GLDN: variants seen among roughly 807,000 people sequenced by gnomAD.
GLDN encodes gliomedin, also known as collomin.
In GLDN, 47 loss-of-function variants were observed where a neutral mutation model predicts 56.5. The ratio of observed to expected loss-of-function variants is 0.83; its 90% CI spans 0.66 to 1.06. The LOEUF (loss-of-function observed/expected upper bound fraction) is 1.06, where lower values mean the gene tolerates loss of function less well. Ranked by LOEUF, GLDN falls within the 50% of genes least tolerant of loss-of-function variation. The pLI is 0.00. For synonymous variants in GLDN, 332 were observed against 278.8 expected (o/e 1.19, Z -1.90); for missense variants, 782 against 714.3 (o/e 1.09, Z -1.08).
Position 51,404,278 on chromosome 15 carries a change from T to C in GLDN, c.1180T>C (p.Phe394Leu). The C allele has an allele frequency of 1.3e-6, 2 of 1,577,816 alleles. No homozygotes were observed. Among genetic ancestry groups the C allele is most frequent in the Non-Finnish European group, 1.7e-6 (2 of 1,165,266 alleles). ...HKGGSNTLVR[F>L]EFGQETSQTL... ...CTTTTCTTTGTTTGCATATTTCAGA[T>C]TTGAATTTGGCCAGGAAACATCCCA... Residue 394 changes from phenylalanine to leucine, a missense_variant and splice_region_variant, in exon 10 of 10, where the codon TTT (phenylalanine) becomes CTT (leucine). Physicochemically the swap from Phe to Leu is conservative, Grantham distance 22. Coordinates refer to ENST00000335449, the MANE Select transcript of GLDN (RefSeq NM_181789.4).
chr15:51,357,354 C>A (rs1268514687), intron 1 of GLDN, among the ~76,000 whole-genome samples: 1 of 152,214 alleles, frequency 6.6e-6, no homozygotes, highest in African/African-American at 2.4e-5. Flanking sequence ...CGGGAGAAGA[C>A]TTCTCGTCTC....
intron 4 of GLDN, among the ~76,000 whole-genome samples, chr15:51,392,424 A>G (rs960801733): frequency 6.6e-6 from 1 of 151,954 alleles, no homozygotes; most frequent in Non-Finnish European, 1.5e-5. Context: ...GTCTCCCATC[A>G]CCCCCAGATG....
At position 51,406,053 on chromosome 15, in the gene GLDN, T is replaced by C. The variant is rs888002306; in HGVS notation, c.*1299T>C. ...CAGAACCAGAGCCTGTTTTGTTTTGTTCTAAACTAAGAAGCCGCATAGGAT... is the reference window on the plus strand; with the variant it reads ...CAGAACCAGAGCCTGTTTTGTTTTGCTCTAAACTAAGAAGCCGCATAGGAT... On this transcript the variant is annotated 3_prime_UTR_variant, in exon 10 of 10. Coordinates refer to ENST00000335449, the MANE Select transcript of GLDN (RefSeq NM_181789.4). The C allele has an allele frequency of 6.6e-6, 1 of 152,220 alleles. No individual in the cohort carries two copies. The highest frequency in any genetic ancestry group is 2.4e-5 in the African/African-American group (1 of 41,444). The allele number at this position is 152,220 out of a possible 1,614,324, so 9.4% of individuals were successfully genotyped here.
At chr15:51,384,038 G>A (rs1170424792) in intron 4 of GLDN, 146 bp downstream of exon 4, 9 of 716,634 alleles carry the variant, frequency 1.3e-5, no homozygotes, top group Admixed American at 2.2e-5. Flanking sequence ...AGAAGCCATT[G>A]CGTTCCGGGA....
intron 6 of GLDN, among the ~76,000 whole-genome samples, chr15:51,399,074 C>G (rs2038194859): frequency 6.6e-6 from 1 of 152,198 alleles, no homozygotes; most frequent in South Asian, 2.1e-4. Context: ...GCCCTCTCTC[C>G]TGCTCCAACT....
At chr15:51,402,828 A>G (rs570575341) in intron 9 of GLDN, among the ~76,000 whole-genome samples, 3 of 151,962 alleles carry the variant, frequency 2.0e-5, no homozygotes, top group African/African-American at 7.2e-5. Flanking sequence ...TTTGCCTCTC[A>G]CTCCCATCTA....
intron 1 of GLDN, among the ~76,000 whole-genome samples, chr15:51,344,446 C>T (rs1162156676): frequency 6.6e-6 from 1 of 152,180 alleles, no homozygotes; most frequent in Non-Finnish European, 1.5e-5. Context: ...TCTTTACTCT[C>T]TGCTTTTCTC....
intron 6 of GLDN, among the ~76,000 whole-genome samples, chr15:51,399,442 T>G (rs1391888534): frequency 6.6e-6 from 1 of 152,190 alleles, no homozygotes; most frequent in Non-Finnish European, 1.5e-5. Flanking sequence ...TCAGGTTTGC[T>G]TCTGCTGCCC....
chr15:51,364,307 C>T (rs1310934634), intron 1 of GLDN, among the ~76,000 whole-genome samples: 1 of 152,182 alleles, frequency 6.6e-6, no homozygotes, highest in Non-Finnish European at 1.5e-5. Flanking sequence ...GTTTCTACTG[C>T]TATATCTTCA....
chr15:51,345,865 A>AT (rs1306951732), intron 1 of GLDN, among the ~76,000 whole-genome samples: 1 of 152,244 alleles, frequency 6.6e-6, no homozygotes, highest in Non-Finnish European at 1.5e-5. Context: ...ACTACTAAAA[A>AT]TAACAGAATT....
Position 51,341,721 on chromosome 15 carries a change from G to A in GLDN, c.37G>A (p.Gly13Ser). 6.9e-7 allele frequency: 1 copy of A among 1,446,782 alleles called. No individual in the cohort carries two copies. The highest frequency in any genetic ancestry group is 2.8e-5 in the Admixed American group (1 of 35,454). 89.6% of individuals were successfully genotyped at this position (1,446,782 alleles called of 1,614,324 possible). ...CGCTGAGGGAGGCCGTGGGGACGCG[G>A]GTTGGGGCCTGCGTGGCGCCCTGGC... ...RGAEGGRGDA[G>S]WGLRGALAAV... The change falls in exon 1 of 10, where the codon GGT (glycine) becomes AGT (serine). Residue 13 changes from glycine to serine, a missense_variant. Gly to Ser is a moderately conservative substitution (Grantham distance 56, BLOSUM62 0). Coordinates refer to ENST00000335449, the MANE Select transcript of GLDN (RefSeq NM_181789.4).
chr15:51,400,191 G>A lies in GLDN; in HGVS notation c.818-1G>A, dbSNP rs758750127. 1.2e-6 allele frequency: 2 copies of A among 1,613,836 alleles called. No individual in the cohort carries two copies. The highest frequency in any genetic ancestry group is 2.2e-5 in the East Asian group (1 of 44,882). ...TCTGATGATTATTGTTGTCATTTTA[G>A]GTGAGACTTGTGCCATACCAAATGA... On this transcript the variant is annotated splice_acceptor_variant, in intron 6 of 9. Coordinates refer to ENST00000335449, the MANE Select transcript of GLDN (RefSeq NM_181789.4). LOFTEE classifies it high-confidence loss of function.
At chr15:51,356,937 A>G (rs957634332) in intron 1 of GLDN, among the ~76,000 whole-genome samples, 11 of 152,252 alleles carry the variant, frequency 7.2e-5, no homozygotes, top group African/African-American at 2.4e-4. Flanking sequence ...CCAGAAAAAC[A>G]GCAGATTCTA....
intron 1 of GLDN, among the ~76,000 whole-genome samples, chr15:51,361,269 G>T (rs2037295091): frequency 6.6e-6 from 1 of 151,998 alleles, no homozygotes; most frequent in South Asian, 2.1e-4. Context: ...TACAATTTTG[G>T]CCTCTAATTT....
At chr15:51,391,256 G>A (rs1471212544) in intron 4 of GLDN, among the ~76,000 whole-genome samples, 1 of 151,612 alleles carries the variant, frequency 6.6e-6, no homozygotes, top group Non-Finnish European at 1.5e-5. Context: ...CAGCTGCCAG[G>A]CAGCAGGAAC....
intron 4 of GLDN, chr15:51,384,225 C>T (rs145040960): frequency 9.0e-6 from 3 of 335,144 alleles, no homozygotes; most frequent in African/African-American, 6.6e-5. Flanking sequence ...CTGGTGCATG[C>T]TCTTTCGAGG....
intron 4 of GLDN, 58 bp from the exon 5 acceptor site, chr15:51,394,777 G>C: frequency 6.3e-7 from 1 of 1,581,668 alleles, no homozygotes; most frequent in Non-Finnish European, 8.7e-7. Flanking sequence ...GTAATATAAA[G>C]TGGTGTGCCA....
In GLDN at chr15:51,357,984, G is replaced by A. The variant is rs368475968; in HGVS notation, c.363+15937G>A. Among the ~76,000 whole-genome samples the A allele has an allele frequency of 5.3e-5, 8 of 152,068 alleles. No homozygotes were observed. In the East Asian group the frequency reaches 7.7e-4, roughly 15 times the overall value. The stretch of plus-strand genomic sequence containing the variant: ...GTACCCTGTACCCTAGGCACTATCC[G>A]GGACATCAAAAGGCGTGTCAGTGGC... On this transcript the variant is annotated intron_variant, in intron 1 of 9. Transcript: ENST00000335449.
At chr15:51,361,440 G>A (rs1480411901) in intron 1 of GLDN, among the ~76,000 whole-genome samples, 1 of 151,984 alleles carries the variant, frequency 6.6e-6, no homozygotes, top group African/African-American at 2.4e-5. Flanking sequence ...CTGGTTTCTT[G>A]CCATACTAAG....
Sources: gnomAD v4.1 joint callset for allele counts (sites outside exome capture counted in the v4.1 genomes callset) on GRCh38, gnomAD v4.1.1 for gene constraint, MANE v1.5 for transcripts, NCBI Gene and HGNC (gene_info 2026-07-23, HGNC 2026-07-21) for gene names.